The following KIF5C variants were observed in gnomAD, a reference collection of about 807,000 sequenced individuals.
The protein encoded by KIF5C is kinesin family member 5C.
A neutral mutation model predicts 125.2 loss-of-function variants in KIF5C; 18 were observed. That is an observed-to-expected ratio of 0.14 (90% confidence interval 0.10 to 0.21). The LOEUF (loss-of-function observed/expected upper bound fraction) is 0.21. KIF5C is among the 10% of genes least tolerant of loss of function. The pLI is 1.00. For synonymous variants in KIF5C, 405 were observed against 434.0 expected (o/e 0.93, Z 0.83); for missense variants, 780 against 1,183.8 (o/e 0.66, Z 5.01).
At chr2:148,925,220 G>A (rs1361316981) in intron 2 of KIF5C, among the ~76,000 whole-genome samples, 1 of 152,144 alleles carries the variant, frequency 6.6e-6, no homozygotes, top group Non-Finnish European at 1.5e-5. Flanking sequence ...ATTCTGCTTG[G>A]ACAACTTGGA....
intron 3 of KIF5C, among the ~76,000 whole-genome samples, chr2:148,935,511 A>G (rs763327266): frequency 5.3e-5 from 8 of 152,218 alleles, no homozygotes; most frequent in Non-Finnish European, 8.8e-5. Context: ...AATGATCTCC[A>G]TGGTTCAGAG....
At chr2:148,941,781 C>A in intron 5 of KIF5C, 123 bp downstream of exon 5, 1 of 1,454,884 alleles carries the variant, frequency 6.9e-7, no homozygotes, top group Non-Finnish European at 9.2e-7. Context: ...CTGTTGCCTT[C>A]AGGGTATATG....
rs1484354673 is a variant in KIF5C at position 148,998,425 on chromosome 2, G to A, written c.2126G>A (p.Ser709Asn). 1 of 1,565,888 alleles carries A rather than the reference G, an allele frequency of 6.4e-7. No homozygotes were observed. Among genetic ancestry groups the A allele is most frequent in the Admixed American group, 1.9e-5 (1 of 52,236 alleles). Residue 709 changes from serine (S) to asparagine (N), a missense_variant, in exon 19 of 26, where the codon AGC (serine) becomes AAC (asparagine). Ser to Asn is a conservative substitution (Grantham distance 46, BLOSUM62 1). Around this residue, in one of 2 missense-constraint regions of KIF5C, gnomAD observed 573 missense variants for 742.6 expected, o/e 0.77. Transcript: ENST00000435030. ...AAGGCGCTGGAGCAGCAGATGGAGAGCCACCGGGAAGCTCACCAGAAGCAG... is the reference window on the plus strand; with the variant it reads ...AAGGCGCTGGAGCAGCAGATGGAGAACCACCGGGAAGCTCACCAGAAGCAG... Reference protein sequence around the residue: ...MKKALEQQMESHREAHQKQLS... With the variant: ...MKKALEQQMENHREAHQKQLS...
At chr2:148,907,755 AG>A (rs1328764891) in intron 1 of KIF5C, among the ~76,000 whole-genome samples, 1 of 152,214 alleles carries the variant, frequency 6.6e-6, no homozygotes, top group Non-Finnish European at 1.5e-5. Flanking sequence ...GTGGCCCTGA[AG>A]GAAGGTGAGG....
At chr2:148,923,739 C>A (rs1284253997) in intron 2 of KIF5C, among the ~76,000 whole-genome samples, 1 of 152,122 alleles carries the variant, frequency 6.6e-6, no homozygotes, top group Non-Finnish European at 1.5e-5. Flanking sequence ...TTAAATACAT[C>A]CTGTCCTCTC....
intron 1 of KIF5C, among the ~76,000 whole-genome samples, chr2:148,913,621 C>A (rs537556317): frequency 6.6e-6 from 1 of 152,278 alleles, no homozygotes; most frequent in South Asian, 2.1e-4. Flanking sequence ...GGGAAGAGAA[C>A]TTTACATGTG....
chr2:148,902,073 T>C (rs1283372957), intron 1 of KIF5C, among the ~76,000 whole-genome samples: 1 of 152,200 alleles, frequency 6.6e-6, no homozygotes, highest in East Asian at 1.9e-4. Context: ...TTTCGCACTG[T>C]GAGTTGGGGT....
chr2:148,905,185 T>A (rs1681057067), intron 1 of KIF5C, among the ~76,000 whole-genome samples: 1 of 152,062 alleles, frequency 6.6e-6, no homozygotes, highest in African/African-American at 2.4e-5. Context: ...GAAAAATAAG[T>A]TAATTAAAAA....
intron 8 of KIF5C, 80 bp from the exon 9 acceptor site, chr2:148,949,759 T>G: frequency 1.3e-6 from 2 of 1,528,600 alleles, no homozygotes; most frequent in Non-Finnish European, 1.8e-6. Flanking sequence ...TGTCCCCCTT[T>G]GCCCTCGTGT....
In KIF5C at chr2:149,010,255, A is replaced by G. The variant is rs1201829836; in HGVS notation, c.2671A>G (p.Met891Val). The change falls in exon 24 of 26, where the codon ATG (methionine) becomes GTG (valine). Residue 891 changes from methionine (M) to valine (V), a missense_variant. This residue lies in a region of KIF5C where 573 missense variants were observed against 742.6 expected (regional missense o/e 0.77). Transcript: ENST00000435030. The part of the protein sequence containing the change: ...SALKEAKENA[M>V]RDRKRYQQEV... The stretch of plus-strand genomic sequence containing the variant: ...GCTGAAGGAGGCCAAGGAGAACGCC[A>G]TGCGGGACCGTAAGCGCTACCAGCA... The G allele has an allele frequency of 6.3e-7, 1 of 1,590,812 alleles. No homozygotes were observed. Among genetic ancestry groups the G allele is most frequent in the Non-Finnish European group, 8.6e-7 (1 of 1,169,102 alleles).
Position 149,010,355 on chromosome 2 carries a change from C to G in KIF5C, c.2767+4C>G, listed in dbSNP as rs374615090. ...AGGGCCCATTCAGCCCAGATCGGTA[C>G]GTGCGTGCACAGTGGCGCCCGGGGT... On this transcript the variant is annotated splice_donor_region_variant and intron_variant, in intron 24 of 25. Transcript: ENST00000435030. 4 of 1,553,082 alleles carry G rather than the reference C, an allele frequency of 2.6e-6. No homozygotes were observed. The highest frequency in any genetic ancestry group is 1.8e-4 in the Middle Eastern group (1 of 5,706).
chr2:148,937,415 G>A, intron 4 of KIF5C, 27 bp downstream of exon 4: 1 of 1,558,380 alleles, frequency 6.4e-7, no homozygotes, highest in Non-Finnish European at 8.7e-7. Context: ...GGTCCCCAGA[G>A]AAGACACTGG....
chr2:148,986,770 C>G (rs755119386), intron 15 of KIF5C, among the ~76,000 whole-genome samples: 1 of 152,142 alleles, frequency 6.6e-6, no homozygotes, highest in Non-Finnish European at 1.5e-5. Context: ...GTCCACAGTT[C>G]TAGAATATGA....
intron 1 of KIF5C, among the ~76,000 whole-genome samples, chr2:148,909,022 C>G (rs1042728282): frequency 6.6e-6 from 1 of 152,134 alleles, no homozygotes; most frequent in Non-Finnish European, 1.5e-5. Context: ...AGAGAAAAAC[C>G]GCTTCTTTCC....
intron 11 of KIF5C, among the ~76,000 whole-genome samples, chr2:148,971,378 G>T (rs1171336557): frequency 6.6e-6 from 1 of 151,666 alleles, no homozygotes; most frequent in African/African-American, 2.4e-5. Context: ...AAAGAACATG[G>T]TACAGCTTTT....
chr2:149,000,700 A>G (rs1412412956), intron 20 of KIF5C, 22 bp from the exon 21 acceptor site: 9 of 1,613,496 alleles, frequency 5.6e-6, no homozygotes, highest in Middle Eastern at 1.7e-4. Context: ...GTGGTGGTCT[A>G]TGGTTCCTTT....
At chr2:148,969,324 T>C (rs1680834348) in intron 11 of KIF5C, among the ~76,000 whole-genome samples, 1 of 152,128 alleles carries the variant, frequency 6.6e-6, no homozygotes, top group Non-Finnish European at 1.5e-5. Flanking sequence ...CTTCAGTGAA[T>C]GCTCCTATGT....
chr2:148,994,576 G>T lies in KIF5C; in HGVS notation c.2023+38G>T, dbSNP rs769823382. ...CTAACGTGCAGGTGTCAAACACCTG[G>T]CCTGAGTCAGACAGCCTCTGGTTGG... On this transcript the variant is annotated intron_variant, in intron 17 of 25. Transcript: ENST00000435030. 4.5e-6 allele frequency: 7 copies of T among 1,544,610 alleles called. No homozygotes were observed. The East Asian group carries it at 9.8e-5, about 22-fold the overall frequency.
At chr2:148,937,226 T>C (rs916054154) in intron 3 of KIF5C, 58 bp from the exon 4 acceptor site, 1 of 1,542,542 alleles carries the variant, frequency 6.5e-7, no homozygotes, top group Non-Finnish European at 8.7e-7. Flanking sequence ...GTTCTCCCTC[T>C]CTCTCATGTG....
Sources: allele counts gnomAD v4.1 joint callset (sites outside exome capture counted in the v4.1 genomes callset), GRCh38; gene constraint gnomAD v4.1.1; regional missense constraint gnomAD v4.1.1; transcripts MANE v1.5; gene names NCBI Gene and HGNC (gene_info 2026-07-23, HGNC 2026-07-21).